GPC3: variants seen among roughly 807,000 people sequenced by gnomAD.
GPC3 encodes glypican 3, also known as glypican-3.
In GPC3, 3 loss-of-function variants were observed where a neutral mutation model predicts 34.4. The ratio of observed to expected loss-of-function variants is 0.09; its 90% confidence interval spans 0.04 to 0.23. GPC3 has a LOEUF of 0.23. GPC3 is among the 10% of genes least tolerant of loss of function. GPC3 has a pLI of 1.00. For synonymous variants in GPC3, 177 were observed against 174.0 expected (o/e 1.02, Z -0.13); for missense variants, 351 against 445.6 (o/e 0.79, Z 1.91).
chrX:133,634,922 G>C (rs1249205518), intron 6 of GPC3, among the ~76,000 whole-genome samples: 1 of 111,743 alleles, frequency 8.9e-6, no homozygotes, highest in Non-Finnish European at 1.9e-5. Context: ...CTCAAGCTTG[G>C]ATTAAAATAC....
chrX:133,559,948 T>C (rs908802724), intron 7 of GPC3, among the ~76,000 whole-genome samples: 4 of 111,277 alleles, frequency 3.6e-5, no homozygotes, highest in African/African-American at 9.8e-5. Flanking sequence ...ATCTCTCTTT[T>C]TCTCTCTCTA....
intron 2 of GPC3, among the ~76,000 whole-genome samples, chrX:133,879,821 A>G (rs770438475): frequency 9.1e-6 from 1 of 110,025 alleles, no homozygotes; most frequent in Non-Finnish European, 1.9e-5. Context: ...AAAAAAAAAG[A>G]TGCAATTCTT....
chrX:133,955,719 ATG>A (rs1416523215), intron 1 of GPC3, among the ~76,000 whole-genome samples: 5 of 111,754 alleles, frequency 4.5e-5, no homozygotes, highest in Non-Finnish European at 9.4e-5. Context: ...TGAAAAAAAA[ATG>A]TGTATATGGG....
rs181771756 is a variant in GPC3 at position 133,680,804 on chromosome X, G to T, written c.1292+11565C>A. 4.5e-5 allele frequency among the ~76,000 whole-genome samples: 5 copies of T among 111,701 alleles called. No homozygotes were observed. The East Asian group carries it at 1.4e-3, about 32-fold the overall frequency. On this transcript the variant is annotated intron_variant, in intron 5 of 7. Coordinates refer to ENST00000370818, the MANE Select transcript of GPC3 (RefSeq NM_004484.4). The stretch of plus-strand genomic sequence containing the variant: ...AGTTAATCTCTATAAAGCAGTCATA[G>T]GAGAAATGGTTTAAGATGTCTTTGC...
chrX:133,705,196 CTTATTTAT>C (rs372614718), intron 3 of GPC3, among the ~76,000 whole-genome samples: 1 of 111,591 alleles, frequency 9.0e-6, no homozygotes, highest in South Asian at 3.8e-4. Context: ...GCAGGTATTA[CTTATTTAT>C]TTATTTATTT....
At chrX:133,697,568 C>T (rs1262497372) in intron 4 of GPC3, among the ~76,000 whole-genome samples, 1 of 111,665 alleles carries the variant, frequency 9.0e-6, no homozygotes, top group Non-Finnish European at 1.9e-5. Flanking sequence ...CTCTTTTGCA[C>T]CTAGCTCTGA....
At chrX:133,781,752 T>C (rs1357704901) in intron 2 of GPC3, among the ~76,000 whole-genome samples, 1 of 111,184 alleles carries the variant, frequency 9.0e-6, no homozygotes, top group Non-Finnish European at 1.9e-5. Context: ...TAGTCTCCAC[T>C]CCTACCCTTC....
At chrX:133,596,388 TCCTGAGC>T in intron 7 of GPC3, 45 bp downstream of exon 7, 1 of 1,081,738 alleles carries the variant, frequency 9.2e-7, no homozygotes, top group Non-Finnish European at 1.3e-6. Flanking sequence ...TATTTTTAAT[TCCTGAGC>T]ATCACCATTT....
rs1327021848 is a variant in GPC3 at position 133,850,198 on chromosome X, T to TTTG, written c.338-96023_338-96022insCAA. ...TTTGTTTGTTTTTTGGGTTTTGTTT[T>TTTG]TTTTTTTTTTTTTTTGGTAAATAAA... is the stretch of plus-strand genomic sequence containing the variant. On this transcript the variant is annotated intron_variant, in intron 2 of 7. Transcript: ENST00000370818. 2.9e-3 allele frequency among the ~76,000 whole-genome samples: 299 copies of TTTG among 101,496 alleles called. 4 individuals carry two copies. The highest frequency in any genetic ancestry group is 0.011 in the African/African-American group (285 of 26,447). The allele number at this position is 101,496 out of a possible 115,157, so 88.1% of individuals were successfully genotyped here.
At chrX:133,955,034 C>A (rs1362556409) in intron 1 of GPC3, among the ~76,000 whole-genome samples, 1 of 111,221 alleles carries the variant, frequency 9.0e-6, no homozygotes, top group East Asian at 2.8e-4. Context: ...CAGGCATGAG[C>A]CACTGCCAGA....
intron 7 of GPC3, among the ~76,000 whole-genome samples, chrX:133,567,456 C>T (rs2069592409): frequency 8.9e-6 from 1 of 112,032 alleles, no homozygotes; most frequent in African/African-American, 3.2e-5. Flanking sequence ...GCATATTTTC[C>T]TATGAAGGAC....
chrX:133,842,805 A>G (rs2075831573), intron 2 of GPC3, among the ~76,000 whole-genome samples: 2 of 111,099 alleles, frequency 1.8e-5, no homozygotes, highest in Non-Finnish European at 3.8e-5. Context: ...CCAGCTTCCA[A>G]GATGGTCCCC....
chrX:133,875,773 C>T (rs1158074956), intron 2 of GPC3, among the ~76,000 whole-genome samples: 1 of 110,957 alleles, frequency 9.0e-6, no homozygotes, highest in Non-Finnish European at 1.9e-5. Flanking sequence ...TCTGTAGATG[C>T]TCAATAAATA....
chrX:133,640,752 T>C (rs1200272889), intron 6 of GPC3, among the ~76,000 whole-genome samples: 1 of 112,306 alleles, frequency 8.9e-6, no homozygotes, highest in East Asian at 2.8e-4. Context: ...ACCCTCTATT[T>C]TTCACACGTA....
chrX:133,802,903 T>C (rs1206150416), intron 2 of GPC3, among the ~76,000 whole-genome samples: 3 of 103,978 alleles, frequency 2.9e-5, no homozygotes. Flanking sequence ...AAGGTTACAG[T>C]GGAAGGTATT....
chrX:133,619,387 G>A (rs2070204522), intron 6 of GPC3, among the ~76,000 whole-genome samples: 1 of 112,178 alleles, frequency 8.9e-6, no homozygotes, highest in African/African-American at 3.2e-5. Context: ...GTACACCAAT[G>A]TTTGTGGTAT....
At chrX:133,948,853 T>G (rs767065112) in intron 2 of GPC3, among the ~76,000 whole-genome samples, 195 of 111,987 alleles carry the variant, frequency 1.7e-3, no homozygotes, top group African/African-American at 6.1e-3. Context: ...CAAAAGTTGT[T>G]GAAATACATC....
chrX:133,569,838 C>T (rs1427662807), intron 7 of GPC3, among the ~76,000 whole-genome samples: 1 of 110,620 alleles, frequency 9.0e-6, no homozygotes, highest in Non-Finnish European at 1.9e-5. Flanking sequence ...CTAGATTATA[C>T]AAATTTTGGT....
At chrX:133,587,649 T>C (rs193138444) in intron 7 of GPC3, among the ~76,000 whole-genome samples, 1 of 112,388 alleles carries the variant, frequency 8.9e-6, no homozygotes, top group African/African-American at 3.2e-5. Flanking sequence ...GAACTTAGTT[T>C]AGTTTTATTC....
Sources: allele counts gnomAD v4.1 joint callset (sites outside exome capture counted in the v4.1 genomes callset), GRCh38; gene constraint gnomAD v4.1.1; transcripts MANE v1.5; gene names NCBI Gene and HGNC (gene_info 2026-07-23, HGNC 2026-07-21).